The following MTUS2 variants were observed in gnomAD, a reference collection of about 807,000 sequenced individuals.
MTUS2 encodes microtubule-associated tumor suppressor candidate 2.
MTUS2 carries 40 observed loss-of-function variants against 114.1 expected under a neutral mutation model. The observed-to-expected ratio is 0.35, with a 90% CI of 0.27 to 0.46. MTUS2 has a LOEUF of 0.46. MTUS2 is among the 20% of genes least tolerant of loss of function. The pLI is 1.00. For missense variants in MTUS2, 1,679 were observed against 1,705.4 expected (o/e 0.98, Z 0.27); for synonymous variants, 688 against 672.0 (o/e 1.02, Z -0.37).
chr13:29,298,777 A>G (rs1022254279), intron 6 of MTUS2, among the ~76,000 whole-genome samples: 5 of 152,312 alleles, frequency 3.3e-5, no homozygotes, highest in Middle Eastern at 3.4e-3. Context: ...CTCTAAAAGC[A>G]TGTTATTTTC....
intron 7 of MTUS2, among the ~76,000 whole-genome samples, chr13:29,334,515 G>A (rs542204979): frequency 6.6e-6 from 1 of 152,274 alleles, no homozygotes; most frequent in South Asian, 2.1e-4. Context: ...CTTTAAGCAT[G>A]TTGAATATTG....
At chr13:28,907,438 A>G (rs1033556896) in intron 2 of MTUS2, among the ~76,000 whole-genome samples, 2 of 151,652 alleles carry the variant, frequency 1.3e-5, no homozygotes, top group African/African-American at 2.4e-5. Context: ...AAATGCTCCA[A>G]TTAAAAGACA....
chr13:29,196,160 G>A (rs767160527), intron 5 of MTUS2, among the ~76,000 whole-genome samples: 13 of 151,052 alleles, frequency 8.6e-5, no homozygotes, highest in East Asian at 2.0e-4. Context: ...GCAGTGGCGC[G>A]ATCTCAGCTC....
At chr13:29,478,469 A>G (rs1022404277) in intron 9 of MTUS2, among the ~76,000 whole-genome samples, 1 of 152,196 alleles carries the variant, frequency 6.6e-6, no homozygotes, top group African/African-American at 2.4e-5. Context: ...GTGTGATTTA[A>G]AAAATAAAAA....
At chr13:29,108,757 C>T (rs529240711) in intron 5 of MTUS2, among the ~76,000 whole-genome samples, 2 of 152,266 alleles carry the variant, frequency 1.3e-5, no homozygotes, top group East Asian at 3.9e-4. Context: ...TCCATGCATC[C>T]TGAGTGAGGT....
chr13:29,063,420 TAGA>T (rs1565987490), intron 4 of MTUS2, among the ~76,000 whole-genome samples: 1 of 152,168 alleles, frequency 6.6e-6, no homozygotes, highest in Non-Finnish European at 1.5e-5. Flanking sequence ...AGTGTCAGAA[TAGA>T]AGTTTTTAAA....
At chr13:29,406,601 C>T (rs188354130) in intron 8 of MTUS2, among the ~76,000 whole-genome samples, 1 of 152,310 alleles carries the variant, frequency 6.6e-6, no homozygotes, top group Admixed American at 6.5e-5. Flanking sequence ...ACCATCACCT[C>T]TGCTATATAC....
chr13:28,994,232 C>T (rs897381534), intron 2 of MTUS2, among the ~76,000 whole-genome samples: 2 of 124,190 alleles, frequency 1.6e-5, no homozygotes, highest in African/African-American at 2.7e-5. Flanking sequence ...GACATGAACT[C>T]ATGTTTTTTT....
chr13:29,390,315 A>G (rs1292626874), intron 8 of MTUS2, among the ~76,000 whole-genome samples: 1 of 152,012 alleles, frequency 6.6e-6, no homozygotes, highest in Non-Finnish European at 1.5e-5. Context: ...ATCAACTTAC[A>G]TATTGGAAGA....
Position 29,026,651 on chromosome 13 carries a change from T to A in MTUS2, c.1953T>A (p.Asn651Lys), listed in dbSNP as rs1011884930. The change falls in exon 3 of 16, where the codon AAT becomes AAA. Residue 651 changes from asparagine (N) to lysine (K), a missense_variant. Physicochemically the swap from Asn to Lys is moderately conservative, Grantham distance 94 (BLOSUM62 0). Coordinates refer to ENST00000612955, the MANE Select transcript of MTUS2 (RefSeq NM_001033602.4). ...AGATCATCACCTACATCAGGAGGAA[T>A]CCCCAGGCCCTGGGCCAGGTGGACG... is the stretch of plus-strand genomic sequence containing the variant. Reference protein sequence around the residue: ...RPKIITYIRRNPQALGQVDAS... With the variant: ...RPKIITYIRRKPQALGQVDAS... 1.2e-6 allele frequency: 2 copies of A among 1,613,816 alleles called. No individual in the cohort carries two copies. The highest frequency in any genetic ancestry group is 1.7e-5 in the Admixed American group (1 of 59,998).
chr13:29,457,682 A>T (rs947939739), intron 9 of MTUS2, among the ~76,000 whole-genome samples: 1 of 152,108 alleles, frequency 6.6e-6, no homozygotes, highest in Admixed American at 6.5e-5. Context: ...ATTGCTGGTC[A>T]TAGGTTAGAT....
At chr13:29,478,481 C>T (rs1397439261) in intron 9 of MTUS2, among the ~76,000 whole-genome samples, 1 of 152,126 alleles carries the variant, frequency 6.6e-6, no homozygotes, top group African/African-American at 2.4e-5. Context: ...AAATAAAAAG[C>T]CCTCAAGAGT....
intron 3 of MTUS2, among the ~76,000 whole-genome samples, chr13:29,031,406 CTATATA>C: frequency 6.8e-6 from 1 of 147,746 alleles, no homozygotes; most frequent in East Asian, 2.0e-4. Flanking sequence ...CACATAATCT[CTATATA>C]TATATATAGA....
At chr13:29,278,667 A>C (rs547579620) in intron 5 of MTUS2, among the ~76,000 whole-genome samples, 1 of 152,346 alleles carries the variant, frequency 6.6e-6, no homozygotes, top group South Asian at 2.1e-4. Context: ...TTTGGAAAGC[A>C]ATTTTGAATA....
chr13:28,859,996 G>A (rs1042019105), intron 2 of MTUS2, among the ~76,000 whole-genome samples: 2 of 152,202 alleles, frequency 1.3e-5, no homozygotes, highest in African/African-American at 4.8e-5. Flanking sequence ...AGTGTTGAAA[G>A]GAGGGATTGA....
At chr13:29,110,683 G>A (rs1437806983) in intron 5 of MTUS2, among the ~76,000 whole-genome samples, 4 of 151,480 alleles carry the variant, frequency 2.6e-5, no homozygotes, top group Non-Finnish European at 5.9e-5. Flanking sequence ...TTTTTTCTGA[G>A]TGTTTTTGAG....
intron 5 of MTUS2, among the ~76,000 whole-genome samples, chr13:29,118,579 C>T (rs540826141): frequency 6.6e-6 from 1 of 152,304 alleles, no homozygotes; most frequent in African/African-American, 2.4e-5. Context: ...TCGTGGGAAG[C>T]TGAGTTCAGC....
chr13:29,440,123 A>G (rs1372843590), intron 9 of MTUS2, 74 bp downstream of exon 9: 5 of 1,419,240 alleles, frequency 3.5e-6, no homozygotes, highest in Admixed American at 4.0e-5. Flanking sequence ...ACCAAAAGCA[A>G]TTATGCCTCC....
intron 5 of MTUS2, among the ~76,000 whole-genome samples, chr13:29,279,714 C>G (rs1898195701): frequency 6.6e-6 from 1 of 152,114 alleles, no homozygotes. Context: ...GAGGGAAGTA[C>G]ATAGTTCCCT....
Sources: gnomAD v4.1 joint callset for allele counts (sites outside exome capture counted in the v4.1 genomes callset) on GRCh38, gnomAD v4.1.1 for gene constraint, MANE v1.5 for transcripts, NCBI Gene and HGNC (gene_info 2026-07-23, HGNC 2026-07-21) for gene names.